The following ABCA10 variants were observed in gnomAD, a reference collection of about 807,000 sequenced individuals.
ABCA10 encodes the protein ATP binding cassette subfamily A member 10.
ABCA10 carries 169 observed loss-of-function variants against 187.5 expected under a neutral mutation model. The ratio of observed to expected loss-of-function variants is 0.90; its 90% CI spans 0.80 to 1.02. ABCA10 has a LOEUF of 1.02. ABCA10 is among the 50% of genes least tolerant of loss of function. The probability of loss-of-function intolerance (pLI) is 0.00; values close to 1 mark genes in which losing one functional copy is unlikely to be tolerated. For missense variants in ABCA10, 1,727 were observed against 1,812.4 expected (o/e 0.95, Z 0.86); for synonymous variants, 574 against 601.8 (o/e 0.95, Z 0.68).
chr17:69,232,678 C>A (rs570778424), upstream of ABCA10, among the ~76,000 whole-genome samples: 1 of 152,210 alleles, frequency 6.6e-6, no homozygotes, highest in East Asian at 1.9e-4. Flanking sequence ...ATTAGAATAA[C>A]AATCATGTTA....
intron 9 of ABCA10, among the ~76,000 whole-genome samples, chr17:69,210,910 T>C (rs997232219): frequency 1.3e-5 from 2 of 148,646 alleles, no homozygotes; most frequent in Non-Finnish European, 2.9e-5. Flanking sequence ...GCATTTGGGC[T>C]GGTCCCATAT....
intron 1 of ABCA10, chr17:69,234,248 G>C (rs2074849702): frequency 2.6e-5 from 4 of 152,300 alleles, no homozygotes; most frequent in African/African-American, 9.7e-5. Flanking sequence ...GCAAGACATG[G>C]GCGAGTCTCA....
chr17:69,192,562 C>A lies in ABCA10; in HGVS notation c.1871+1G>T. 1 of 1,607,414 alleles carries A rather than the reference C, an allele frequency of 6.2e-7. No homozygotes were observed. Among genetic ancestry groups the A allele is most frequent in the Non-Finnish European group, 8.5e-7 (1 of 1,174,628 alleles). Reference sequence around the variant, plus strand: ...AAAATAACTACACCTAGAATACATACCTTAAATGATATCCAATACCCCACT... The same window carrying A: ...AAAATAACTACACCTAGAATACATAACTTAAATGATATCCAATACCCCACT... On this transcript the variant is annotated splice_donor_variant, in intron 16 of 38. Transcript: ENST00000690296. LOFTEE classifies it high-confidence loss of function.
At chr17:69,159,081 T>G (rs919240005) in intron 27 of ABCA10, among the ~76,000 whole-genome samples, 3 of 151,866 alleles carry the variant, frequency 2.0e-5, no homozygotes, top group Non-Finnish European at 4.4e-5. Context: ...GCAAAAATTA[T>G]AAAACAGGAA....
chr17:69,225,914 T>A (rs904700212), intron 2 of ABCA10, among the ~76,000 whole-genome samples: 11 of 151,960 alleles, frequency 7.2e-5, no homozygotes, highest in Non-Finnish European at 1.2e-4. Context: ...TTACAAAAAA[T>A]ATAGATGATA....
chr17:69,225,332 A>AAGGCCAT lies in ABCA10; in HGVS notation c.26_27insATGGCCT (p.Phe9LeufsTer15), dbSNP rs764980389. On this transcript the variant is annotated frameshift_variant, in exon 3 of 39. Transcript: ENST00000690296. LOFTEE classifies it high-confidence loss of function. ...GGTTATTGGACAACACACCTTTCAT[A>AAGGCCAT]AAGGAAGCCAAGGCCATCTTATTCA... is the stretch of plus-strand genomic sequence containing the variant. 1.2e-5 allele frequency: 19 copies of AAGGCCAT among 1,613,186 alleles called. No individual in the cohort carries two copies. In the Middle Eastern group the frequency reaches 1.3e-3, roughly 112 times the overall value.
In ABCA10 at chr17:69,152,368, G is replaced by A. The variant is rs185824716; in HGVS notation, c.4250C>T (p.Thr1417Met). The A allele has an allele frequency of 2.5e-5, 40 of 1,613,478 alleles. No individual in the cohort carries two copies. The highest frequency in any genetic ancestry group is 2.7e-5 in the Non-Finnish European group (32 of 1,179,838). ...CDRMAMMVSG[T>M]LRCIGSIQHL... ...GGTCAGGACAGGCACCCACCTTAGC[G>A]TTCCTGACACCATCATGGCCATACG... is the stretch of plus-strand genomic sequence containing the variant. The change falls in exon 35 of 39, where the codon ACG (threonine) becomes ATG (methionine). Residue 1417 changes from threonine to methionine, a missense_variant. Transcript: ENST00000690296.
At chr17:69,207,629 T>A (rs1405953928) in intron 9 of ABCA10, among the ~76,000 whole-genome samples, 1 of 152,146 alleles carries the variant, frequency 6.6e-6, no homozygotes, top group Admixed American at 6.5e-5. Flanking sequence ...TGGAGATACA[T>A]TATGTTAAGT....
chr17:69,192,517 C>T (rs2074468320), intron 16 of ABCA10, 46 bp downstream of exon 16: 1 of 1,487,752 alleles, frequency 6.7e-7, no homozygotes. Flanking sequence ...ATGTCACCCT[C>T]ATATTAATAT....
chr17:69,177,970 A>T (rs1351627324), intron 22 of ABCA10, among the ~76,000 whole-genome samples: 1,470 of 73,406 alleles, frequency 0.02, 52 homozygotes, highest in Middle Eastern at 0.038. Flanking sequence ...AAAAAAAAAA[A>T]AAAATATATA....
In ABCA10 at chr17:69,153,958, G is replaced by A. The variant is rs1315796717; in HGVS notation, c.3838C>T (p.Leu1280Phe). 1.2e-6 allele frequency: 2 copies of A among 1,614,052 alleles called. No homozygotes were observed. Among genetic ancestry groups the A allele is most frequent in the Non-Finnish European group, 1.7e-6 (2 of 1,179,982 alleles). ...TGAGGGCAGTACCCCAAGAACTTGA[G>A]GCTGTTGTCATGCTGTTGCCTTACT... ...ASVRQQHDNS[L>F]KFLGYCPQEN... The change falls in exon 32 of 39, where the codon CTC (leucine) becomes TTC (phenylalanine). Residue 1280 changes from leucine (L) to phenylalanine (F), a missense_variant. Transcript: ENST00000690296.
chr17:69,225,511 A>G lies in ABCA10; in HGVS notation c.-153T>C. ...AAGATGCACAAATATAGCCCTAGAA[A>G]CAATGTTATTGTCCATTCCTCCAGC... On this transcript the variant is annotated 5_prime_UTR_variant, in exon 3 of 39. Coordinates refer to ENST00000690296, the MANE Select transcript of ABCA10 (RefSeq NM_001377321.1). 1 of 652,498 alleles carries G rather than the reference A, an allele frequency of 1.5e-6. No homozygotes were observed. Among genetic ancestry groups the G allele is most frequent in the Non-Finnish European group, 2.6e-6 (1 of 381,162 alleles). The allele number at this position is 652,498 out of a possible 1,614,324, so 40.4% of individuals were successfully genotyped here. A position where few individuals can be genotyped will look rare whatever the true frequency, so the allele number is the denominator to read the frequency against.
intron 19 of ABCA10, among the ~76,000 whole-genome samples, chr17:69,186,855 C>T (rs892096745): frequency 6.6e-6 from 1 of 152,096 alleles, no homozygotes; most frequent in Admixed American, 6.5e-5. Flanking sequence ...CTTTTCCACC[C>T]AACCAGATGT....
chr17:69,197,016 G>GGGAGGA, intron 11 of ABCA10, 48 bp downstream of exon 11: 1 of 1,354,884 alleles, frequency 7.4e-7, no homozygotes, highest in Non-Finnish European at 1.0e-6. Context: ...CAGAGGGAGG[G>GGGAGGA]GGAGGGGGAG....
At chr17:69,182,541 G>C in intron 21 of ABCA10, 134 bp downstream of exon 21, 1 of 1,137,454 alleles carries the variant, frequency 8.8e-7, no homozygotes, top group Non-Finnish European at 1.2e-6. Flanking sequence ...ATGTGACAAA[G>C]AAAGTTTCAA....
intron 22 of ABCA10, 130 bp from the exon 23 acceptor site, chr17:69,175,643 G>C (rs1412328292): frequency 1.2e-5 from 8 of 677,090 alleles, no homozygotes; most frequent in Non-Finnish European, 1.9e-5. Flanking sequence ...AAAGAGACAA[G>C]CAAACATGTT....
chr17:69,230,109 G>C (rs1422237071), upstream of ABCA10, among the ~76,000 whole-genome samples: 2 of 152,002 alleles, frequency 1.3e-5, no homozygotes, highest in African/African-American at 4.8e-5. Flanking sequence ...CCTGATAAAA[G>C]GATGAGTTAG....
chr17:69,194,576 T>C, intron 11 of ABCA10, 81 bp from the exon 12 acceptor site: 2 of 861,212 alleles, frequency 2.3e-6, no homozygotes, highest in Non-Finnish European at 3.6e-6. Flanking sequence ...AAGTAAAATA[T>C]ATCTCAGCAT....
At chr17:69,217,310 G>A (rs914476944) in intron 6 of ABCA10, among the ~76,000 whole-genome samples, 2 of 151,918 alleles carry the variant, frequency 1.3e-5, no homozygotes, top group African/African-American at 2.4e-5. Flanking sequence ...ATTGAATGTC[G>A]GAGTAGCCAA....
Sources: allele counts gnomAD v4.1 joint callset (sites outside exome capture counted in the v4.1 genomes callset), GRCh38; gene constraint gnomAD v4.1.1; transcripts MANE v1.5; gene names NCBI Gene and HGNC (gene_info 2026-07-23, HGNC 2026-07-21).